The following CDH18 variants were observed in gnomAD, a reference collection of about 807,000 sequenced individuals.
CDH18 encodes cadherin 18, also known as cadherin-18.
In CDH18, 31 loss-of-function variants were observed where a neutral mutation model predicts 67.9. The observed-to-expected ratio is 0.46, with a 90% CI of 0.34 to 0.62. The LOEUF (loss-of-function observed/expected upper bound fraction) is 0.62. CDH18 is among the 20% of genes least tolerant of loss of function. CDH18 has a pLI of 0.01. For missense variants in CDH18, 890 were observed against 975.5 expected (o/e 0.91, Z 1.17); for synonymous variants, 362 against 347.2 (o/e 1.04, Z -0.48).
chr5:20,474,607 C>T (rs1752310007), intron 1 of CDH18, among the ~76,000 whole-genome samples: 1 of 151,964 alleles, frequency 6.6e-6, no homozygotes, highest in Non-Finnish European at 1.5e-5. Context: ...AGTTGACCTG[C>T]AGAGAAAAAT....
intron 7 of CDH18, among the ~76,000 whole-genome samples, chr5:19,579,934 A>T (rs1742965362): frequency 6.6e-6 from 1 of 151,770 alleles, no homozygotes; most frequent in Non-Finnish European, 1.5e-5. Flanking sequence ...TATTGTTTCT[A>T]AATACAGAAT....
chr5:20,055,110 T>A (rs1741793740), intron 2 of CDH18, among the ~76,000 whole-genome samples: 1 of 152,218 alleles, frequency 6.6e-6, no homozygotes, highest in South Asian at 2.1e-4. Flanking sequence ...TTTTTACCTG[T>A]AACTTAATAA....
intron 10 of CDH18, among the ~76,000 whole-genome samples, chr5:19,514,300 GA>G (rs1745593677): frequency 6.6e-6 from 1 of 152,106 alleles, no homozygotes. Context: ...GTGCTGCAAT[GA>G]ACATACATTT....
At chr5:19,772,079 C>T (rs75256457) in intron 3 of CDH18, among the ~76,000 whole-genome samples, 6,286 of 152,112 alleles carry the variant, frequency 0.041, 427 homozygotes, top group African/African-American at 0.14. Context: ...CTAAGATGAT[C>T]GAACACTTTT....
intron 1 of CDH18, among the ~76,000 whole-genome samples, chr5:20,297,916 T>C (rs1397766486): frequency 2.6e-5 from 4 of 152,196 alleles, no homozygotes; most frequent in East Asian, 3.9e-4. Context: ...TGTGTGGTAA[T>C]AGGTTGAACA....
chr5:20,456,166 G>A (rs1052373489), intron 1 of CDH18, among the ~76,000 whole-genome samples: 5 of 151,998 alleles, frequency 3.3e-5, no homozygotes, highest in Non-Finnish European at 7.4e-5. Flanking sequence ...ATGAAACAAA[G>A]CTATGTATGT....
intron 2 of CDH18, among the ~76,000 whole-genome samples, chr5:20,063,904 CG>C (rs1742736236): frequency 6.6e-6 from 1 of 152,006 alleles, no homozygotes; most frequent in Non-Finnish European, 1.5e-5. Context: ...CCATTGTGCT[CG>C]GGGAAACAAC....
chr5:19,777,558 C>T (rs768071307), intron 3 of CDH18, among the ~76,000 whole-genome samples: 4 of 152,080 alleles, frequency 2.6e-5, no homozygotes, highest in Admixed American at 6.6e-5. Context: ...TCAGGCACTA[C>T]GTTTGAAAAA....
chr5:19,907,348 T>C (rs1367847277), intron 2 of CDH18, among the ~76,000 whole-genome samples: 1 of 151,970 alleles, frequency 6.6e-6, no homozygotes, highest in East Asian at 1.9e-4. Context: ...TTTTAAATAT[T>C]TGCAAATGCA....
Position 19,846,503 on chromosome 5 carries a change from T to C in CDH18, c.-256-7261A>G, listed in dbSNP as rs547049605. Among the ~76,000 whole-genome samples, 5 of 152,246 alleles carry C rather than the reference T, an allele frequency of 3.3e-5. No individual in the cohort carries two copies. In the South Asian group the frequency reaches 8.3e-4, roughly 25 times the overall value. On this transcript the variant is annotated intron_variant, in intron 2 of 12. Transcript: ENST00000382275. ...CTATCAAGCTTAATACAGTTGACCC[T>C]TGAACAGCATAGATTTTTAACTATA...
At chr5:19,624,975 G>T (rs1413415357) in intron 5 of CDH18, among the ~76,000 whole-genome samples, 1 of 151,804 alleles carries the variant, frequency 6.6e-6, no homozygotes, top group Non-Finnish European at 1.5e-5. Context: ...TTGAATCCAG[G>T]CACTGTTCTA....
chr5:19,599,106 C>T (rs1746646993), intron 6 of CDH18, among the ~76,000 whole-genome samples: 1 of 151,772 alleles, frequency 6.6e-6, no homozygotes, highest in Admixed American at 6.6e-5. Context: ...AGTATTCTAC[C>T]ATAAAAGATA....
At chr5:19,972,843 T>C (rs1291815091) in intron 2 of CDH18, among the ~76,000 whole-genome samples, 1 of 151,974 alleles carries the variant, frequency 6.6e-6, no homozygotes, top group East Asian at 1.9e-4. Context: ...GTTATATTAT[T>C]TGTAATAGTT....
chr5:19,590,973 G>T, intron 7 of CDH18, 84 bp downstream of exon 7: 1 of 702,602 alleles, frequency 1.4e-6, no homozygotes, highest in Non-Finnish European at 2.4e-6. Flanking sequence ...GCCTGACAGC[G>T]TGGATTATTC....
At chr5:20,106,964 C>T (rs1032916802) in intron 2 of CDH18, among the ~76,000 whole-genome samples, 18 of 152,152 alleles carry the variant, frequency 1.2e-4, no homozygotes, top group Admixed American at 3.3e-4. Flanking sequence ...TGCCTCGAAA[C>T]GCTTTTTGTT....
chr5:19,742,400 G>C (rs1034481868), intron 4 of CDH18, among the ~76,000 whole-genome samples: 1 of 136,284 alleles, frequency 7.3e-6, no homozygotes, highest in Non-Finnish European at 1.7e-5. Context: ...AAATGCACAC[G>C]CATGGGTACA....
At chr5:20,231,522 C>T (rs1008427811) in intron 2 of CDH18, among the ~76,000 whole-genome samples, 2 of 151,768 alleles carry the variant, frequency 1.3e-5, no homozygotes, top group Non-Finnish European at 2.9e-5. Context: ...TCTCTTGAAC[C>T]CGGGAGGCGG....
intron 7 of CDH18, among the ~76,000 whole-genome samples, chr5:19,576,185 A>C (rs1742283741): frequency 6.6e-6 from 1 of 152,178 alleles, no homozygotes; most frequent in Non-Finnish European, 1.5e-5. Flanking sequence ...ACATTGTTCT[A>C]GGCTGAGATT....
intron 2 of CDH18, among the ~76,000 whole-genome samples, chr5:20,231,776 T>A (rs1319049361): frequency 6.6e-6 from 1 of 152,134 alleles, no homozygotes; most frequent in Non-Finnish European, 1.5e-5. Flanking sequence ...CCCAGATCAA[T>A]GTTTACTGAT....
Sources: gnomAD v4.1 joint callset for allele counts (sites outside exome capture counted in the v4.1 genomes callset) on GRCh38, gnomAD v4.1.1 for gene constraint, MANE v1.5 for transcripts, NCBI Gene and HGNC (gene_info 2026-07-23, HGNC 2026-07-21) for gene names.